Variants in SDCCAG8 observed in about 807,000 individuals in gnomAD.
The protein encoded by SDCCAG8 is SHH signaling and ciliogenesis regulator SDCCAG8, also known as serologically defined colon cancer antigen 8.
SDCCAG8 carries 74 observed loss-of-function variants against 101.8 expected under a neutral mutation model. That is an observed-to-expected ratio of 0.73 (90% confidence interval 0.60 to 0.88). The LOEUF (loss-of-function observed/expected upper bound fraction) is 0.88, where lower values mean the gene tolerates loss of function less well. Ranked by LOEUF, SDCCAG8 falls within the 40% of genes least tolerant of loss-of-function variation. SDCCAG8 has a pLI of 0.00. For synonymous variants in SDCCAG8, 281 were observed against 292.9 expected, an observed-to-expected ratio of 0.96 and a Z score of 0.41; for missense variants, 787 against 822.6, an observed-to-expected ratio of 0.96 and a Z score of 0.53.
chr1:243,424,979 G>C (rs2081246165), intron 15 of SDCCAG8, among the ~76,000 whole-genome samples: 1 of 152,004 alleles, frequency 6.6e-6, no homozygotes, highest in African/African-American at 2.4e-5. Flanking sequence ...AATCTTGGAA[G>C]GGATACCAGA....
At position 243,497,336 on chromosome 1, in the gene SDCCAG8, G is replaced by GT. The variant is rs1355512431; in HGVS notation, c.2113-2419dup. Among the ~76,000 whole-genome samples the GT allele has an allele frequency of 1.0e-4, 15 of 146,140 alleles. No homozygotes were observed. The South Asian group carries it at 1.8e-3, about 17-fold the overall frequency. ...GGGTCAGGCACGGCTGTAGGCACGG[G>GT]TGGGGGGGGGGGCGTTGAGCAGTGA... On this transcript the variant is annotated intron_variant, in intron 17 of 17. Transcript: ENST00000366541.
At chr1:243,309,473 T>A (rs1018535669) in intron 8 of SDCCAG8, among the ~76,000 whole-genome samples, 4 of 152,218 alleles carry the variant, frequency 2.6e-5, no homozygotes, top group African/African-American at 7.2e-5. Flanking sequence ...AGCTGTGATT[T>A]CCACACATGG....
chr1:243,360,805 G>A (rs749693827), intron 12 of SDCCAG8, among the ~76,000 whole-genome samples: 3 of 152,086 alleles, frequency 2.0e-5, no homozygotes, highest in Non-Finnish European at 2.9e-5. Context: ...CTGGGCAATA[G>A]AGTGAGACTC....
At chr1:243,434,968 A>C (rs1047780036) in intron 16 of SDCCAG8, among the ~76,000 whole-genome samples, 6 of 152,224 alleles carry the variant, frequency 3.9e-5, no homozygotes, top group Non-Finnish European at 7.3e-5. Context: ...CAAAGAAATG[A>C]TGTTACACTT....
intron 17 of SDCCAG8, among the ~76,000 whole-genome samples, chr1:243,495,219 T>C (rs1667492718): frequency 6.6e-6 from 1 of 152,210 alleles, no homozygotes; most frequent in African/African-American, 2.4e-5. Flanking sequence ...GCCTCATGTG[T>C]GCTGGGGCCT....
intron 16 of SDCCAG8, among the ~76,000 whole-genome samples, chr1:243,427,171 A>G (rs1357154825): frequency 1.3e-5 from 2 of 152,216 alleles, no homozygotes; most frequent in African/African-American, 2.4e-5. Context: ...CACCCACTAA[A>G]TGTCATCAAT....
Position 243,270,160 on chromosome 1 carries a change from C to A in SDCCAG8, c.123C>A (p.Val41=). ...CATGTGCCCTGAAAGAAGGCGATGT[C>A]ACTATTGGAGAAGATGCACCAAATC... ...QLTCALKEGD[V]TIGEDAPNLS... is the part of the protein sequence containing the mutation. The change falls in exon 2 of 18, where the codon GTC becomes GTA. Residue 41 remains valine (V), a synonymous_variant. Transcript: ENST00000366541. 2 of 1,614,158 alleles carry A rather than the reference C, an allele frequency of 1.2e-6. No homozygotes were observed. The highest frequency in any genetic ancestry group is 1.7e-6 in the Non-Finnish European group (2 of 1,180,034).
chr1:243,432,951 A>T (rs928888268), intron 16 of SDCCAG8, among the ~76,000 whole-genome samples: 2 of 152,126 alleles, frequency 1.3e-5, no homozygotes, highest in African/African-American at 4.8e-5. Flanking sequence ...GAGTCAAAAG[A>T]AATTTGGAGA....
chr1:243,465,934 C>G (rs1171509636), intron 16 of SDCCAG8, among the ~76,000 whole-genome samples: 4 of 152,164 alleles, frequency 2.6e-5, no homozygotes, highest in Non-Finnish European at 5.9e-5. Flanking sequence ...TCAGGGCTTT[C>G]TGAAGAGAAG....
intron 12 of SDCCAG8, among the ~76,000 whole-genome samples, chr1:243,373,921 C>A (rs2077447142): frequency 6.6e-6 from 1 of 151,904 alleles, no homozygotes. Flanking sequence ...TGAGGAAAAC[C>A]TACAACATAA....
At chr1:243,379,803 C>G (rs1302483225) in intron 13 of SDCCAG8, among the ~76,000 whole-genome samples, 1 of 152,112 alleles carries the variant, frequency 6.6e-6, no homozygotes, top group Non-Finnish European at 1.5e-5. Flanking sequence ...GTCTTCCAAT[C>G]ATAGTAATAT....
At chr1:243,417,510 G>A (rs2080675850) in intron 14 of SDCCAG8, among the ~76,000 whole-genome samples, 1 of 152,134 alleles carries the variant, frequency 6.6e-6, no homozygotes, top group Non-Finnish European at 1.5e-5. Flanking sequence ...GGTGGTGGTA[G>A]TAAACCATGT....
intron 16 of SDCCAG8, among the ~76,000 whole-genome samples, chr1:243,457,490 C>A (rs911158883): frequency 1.3e-5 from 2 of 152,186 alleles, no homozygotes; most frequent in Non-Finnish European, 2.9e-5. Flanking sequence ...CTTGGCCTGT[C>A]AGTTTCCATA....
intron 16 of SDCCAG8, among the ~76,000 whole-genome samples, chr1:243,482,574 C>T (rs1663959662): frequency 6.6e-6 from 1 of 152,212 alleles, no homozygotes; most frequent in Non-Finnish European, 1.5e-5. Context: ...ATCTGCAGAT[C>T]CTGAAGGACA....
intron 13 of SDCCAG8, among the ~76,000 whole-genome samples, chr1:243,399,452 G>A (rs2079229485): frequency 2.0e-5 from 3 of 152,230 alleles, no homozygotes; most frequent in African/African-American, 7.2e-5. Flanking sequence ...AGGTTCTTTA[G>A]CTTGCAAACA....
At chr1:243,457,498 A>G (rs768161073) in intron 16 of SDCCAG8, among the ~76,000 whole-genome samples, 7 of 152,186 alleles carry the variant, frequency 4.6e-5, no homozygotes, top group African/African-American at 9.7e-5. Context: ...GTCAGTTTCC[A>G]TATTTGCAGT....
At chr1:243,261,797 A>G (rs932172673) in intron 1 of SDCCAG8, among the ~76,000 whole-genome samples, 2 of 152,024 alleles carry the variant, frequency 1.3e-5, no homozygotes, top group Non-Finnish European at 2.9e-5. Flanking sequence ...TTTTTTGCTG[A>G]TAAAATTCAA....
chr1:243,385,999 C>T (rs928783319), intron 13 of SDCCAG8, among the ~76,000 whole-genome samples: 2 of 152,154 alleles, frequency 1.3e-5, no homozygotes, highest in Admixed American at 6.5e-5. Flanking sequence ...ACAATATATT[C>T]GTCTTAGTAT....
At chr1:243,396,164 T>C (rs1558408610) in intron 13 of SDCCAG8, among the ~76,000 whole-genome samples, 1 of 152,130 alleles carries the variant, frequency 6.6e-6, no homozygotes, top group Non-Finnish European at 1.5e-5. Context: ...AGTAAATAAT[T>C]CAACATAGAG....
Sources: gnomAD v4.1 joint callset for allele counts (sites outside exome capture counted in the v4.1 genomes callset) on GRCh38, gnomAD v4.1.1 for gene constraint, MANE v1.5 for transcripts, NCBI Gene and HGNC (gene_info 2026-07-23, HGNC 2026-07-21) for gene names.